Variants in MAP2K1 observed in about 807,000 individuals in gnomAD.
MAP2K1 encodes the protein mitogen-activated protein kinase kinase 1, also known as dual specificity mitogen-activated protein kinase kinase 1.
MAP2K1 carries 16 observed loss-of-function variants against 46.3 expected under a neutral mutation model. The observed-to-expected ratio is 0.35, with a 90% CI of 0.23 to 0.52. The LOEUF is 0.52. Among genes scored for constraint, MAP2K1 ranks in the 20% least tolerant of loss-of-function variants. MAP2K1 has a pLI of 0.94. For synonymous variants in MAP2K1, 183 were observed against 185.6 expected (o/e 0.99, Z 0.11); for missense variants, 263 against 497.1 (o/e 0.53, Z 4.48).
At chr15:66,489,592 G>C in intron 9 of MAP2K1, 126 bp from the exon 10 acceptor site, 1 of 817,560 alleles carries the variant, frequency 1.2e-6, no homozygotes, top group Non-Finnish European at 2.2e-6. Context: ...GCTTAGAACA[G>C]GAGGATGAAT....
Position 66,389,317 on chromosome 15 carries a change from C to T in MAP2K1, c.80+1890C>T, listed in dbSNP as rs138905361. On this transcript the variant is annotated intron_variant, in intron 1 of 10. Coordinates refer to ENST00000307102, the MANE Select transcript of MAP2K1 (RefSeq NM_002755.4). ...GTGGATTCTGGCTGAGTGTTATGGC[C>T]TCATTATCCTTTCCTATTTGATTTG... Among the ~76,000 whole-genome samples, 352 of 152,232 alleles carry T rather than the reference C, an allele frequency of 2.3e-3. 1 individual carries two copies. Among genetic ancestry groups the T allele is most frequent in the African/African-American group, 7.7e-3 (318 of 41,540 alleles).
intron 7 of MAP2K1, among the ~76,000 whole-genome samples, chr15:66,486,664 C>G (rs1439822747): frequency 6.6e-6 from 1 of 152,114 alleles, no homozygotes; most frequent in Admixed American, 6.6e-5. Context: ...CCTGACCTAG[C>G]CAACTGTTTT....
intron 5 of MAP2K1, among the ~76,000 whole-genome samples, chr15:66,479,754 C>G (rs1892868654): frequency 6.6e-6 from 1 of 152,186 alleles, no homozygotes; most frequent in Non-Finnish European, 1.5e-5. Flanking sequence ...GGCAGACAGC[C>G]AACGTCCTGC....
intron 1 of MAP2K1, among the ~76,000 whole-genome samples, chr15:66,399,407 T>C (rs2093376173): frequency 6.6e-6 from 1 of 152,184 alleles, no homozygotes; most frequent in South Asian, 2.1e-4. Context: ...TTGTCTACAT[T>C]GTATGATAAA....
At chr15:66,421,109 CACACACACACACACACAT>C (rs1315478745) in intron 1 of MAP2K1, among the ~76,000 whole-genome samples, 11 of 78,480 alleles carry the variant, frequency 1.4e-4, no homozygotes, top group African/African-American at 3.1e-4. Flanking sequence ...CACACACACA[CACACACACACACACACAT>C]ATATATATAT....
intron 1 of MAP2K1, among the ~76,000 whole-genome samples, chr15:66,424,206 T>C (rs1437762694): frequency 1.3e-5 from 2 of 151,592 alleles, no homozygotes; most frequent in African/African-American, 4.9e-5. Flanking sequence ...TACAGGCATA[T>C]GCCACCATGC....
chr15:66,468,257 A>C (rs1039223557), intron 5 of MAP2K1, among the ~76,000 whole-genome samples: 1 of 152,112 alleles, frequency 6.6e-6, no homozygotes, highest in Non-Finnish European at 1.5e-5. Flanking sequence ...TCTTAAAGGT[A>C]AGACAGACCT....
At position 66,434,950 on chromosome 15, in the gene MAP2K1, C is replaced by T. The variant is rs988126436; in HGVS notation, c.81-77C>T. ...TGTCTGGCCCCAGACCTGGAGCTTTCTTTCCATGATAGGAGTACTTCTTTG... is the reference window on the plus strand; with the variant it reads ...TGTCTGGCCCCAGACCTGGAGCTTTTTTTCCATGATAGGAGTACTTCTTTG... On this transcript the variant is annotated intron_variant, in intron 1 of 10. Transcript: ENST00000307102. 1.8e-5 allele frequency: 18 copies of T among 983,880 alleles called. No individual in the cohort carries two copies. In the African/African-American group the frequency reaches 2.7e-4, roughly 15 times the overall value. 60.9% of individuals were successfully genotyped at this position (983,880 alleles called of 1,614,324 possible).
intron 1 of MAP2K1, among the ~76,000 whole-genome samples, chr15:66,396,503 C>T (rs1401880755): frequency 2.0e-5 from 3 of 151,808 alleles, no homozygotes; most frequent in Non-Finnish European, 4.4e-5. Context: ...CTCCTGACCT[C>T]AGGTGATATG....
At chr15:66,440,819 G>T (rs2093501642) in intron 3 of MAP2K1, among the ~76,000 whole-genome samples, 1 of 152,176 alleles carries the variant, frequency 6.6e-6, no homozygotes, top group Admixed American at 6.6e-5. Flanking sequence ...TTAGAAAGTT[G>T]TATGGTTAGT....
rs2093489095 is a variant in MAP2K1, at chr15:66,436,755, C to T, written c.301C>T (p.Leu101=). 1 of 1,614,084 alleles carries T rather than the reference C, an allele frequency of 6.2e-7. No homozygotes were observed. Among genetic ancestry groups the T allele is most frequent in the Admixed American group, 1.7e-5 (1 of 59,996 alleles). The change falls in exon 3 of 11, where the codon CTG becomes TTG. Residue 101 remains leucine, a synonymous_variant. Transcript: ENST00000307102. The part of the protein sequence containing the change: ...GLVMARKLIH[L]EIKPAIRNQI... The stretch of plus-strand genomic sequence containing the variant: ...TTCCACCTTTCTCCAGCTAATTCAT[C>T]TGGAGATCAAACCCGCAATCCGGAA...
chr15:66,398,370 G>A (rs534471880), intron 1 of MAP2K1, among the ~76,000 whole-genome samples: 8 of 152,108 alleles, frequency 5.3e-5, no homozygotes, highest in African/African-American at 9.6e-5. Flanking sequence ...AGCGGTAATC[G>A]TGCCACTGCA....
intron 9 of MAP2K1, 46 bp downstream of exon 9, chr15:66,489,322 C>T (rs909019643): frequency 6.5e-7 from 1 of 1,542,830 alleles, no homozygotes; most frequent in East Asian, 2.2e-5. Flanking sequence ...CTGGATTTGT[C>T]AGGCTCCCCA....
chr15:66,419,203 A>G (rs945427544), intron 1 of MAP2K1, among the ~76,000 whole-genome samples: 2 of 150,478 alleles, frequency 1.3e-5, no homozygotes, highest in Non-Finnish European at 3.0e-5. Context: ...TTCCTTTTGT[A>G]CTTCTACAGA....
intron 3 of MAP2K1, 111 bp downstream of exon 3, chr15:66,437,003 C>T (rs1295906389): frequency 4.4e-6 from 5 of 1,127,848 alleles, no homozygotes; most frequent in Non-Finnish European, 6.7e-6. Flanking sequence ...TCCTGGGATC[C>T]ACATCACTAT....
At chr15:66,460,439 G>A (rs1470043228) in intron 5 of MAP2K1, among the ~76,000 whole-genome samples, 1 of 152,166 alleles carries the variant, frequency 6.6e-6, no homozygotes, top group Non-Finnish European at 1.5e-5. Context: ...CCAGGTAGAG[G>A]GAAGCATGAA....
intron 9 of MAP2K1, chr15:66,489,493 G>C: frequency 1.5e-6 from 1 of 664,634 alleles, no homozygotes. Context: ...GCTCCTTTTG[G>C]TACTTGCTCT....
At chr15:66,397,090 C>T (rs1251111395) in intron 1 of MAP2K1, among the ~76,000 whole-genome samples, 14 of 146,138 alleles carry the variant, frequency 9.6e-5, no homozygotes, top group African/African-American at 2.8e-4. Flanking sequence ...CTGCAAGCTC[C>T]GCCTCCTGGG....
intron 1 of MAP2K1, among the ~76,000 whole-genome samples, chr15:66,411,172 C>T (rs925234774): frequency 4.6e-5 from 7 of 151,860 alleles, no homozygotes; most frequent in South Asian, 2.1e-4. Flanking sequence ...CCAAGAAATG[C>T]GAATCCTGCC....
Sources: allele counts gnomAD v4.1 joint callset (sites outside exome capture counted in the v4.1 genomes callset), GRCh38; gene constraint gnomAD v4.1.1; transcripts MANE v1.5; gene names NCBI Gene and HGNC (gene_info 2026-07-23, HGNC 2026-07-21).